Variants in MEF2C observed in about 807,000 individuals in gnomAD.
MEF2C encodes the protein myocyte enhancer factor 2C.
In MEF2C, 6 loss-of-function variants were observed where a neutral mutation model predicts 50.5. That is an observed-to-expected ratio of 0.12 (90% confidence interval 0.07 to 0.23). The LOEUF (loss-of-function observed/expected upper bound fraction) is 0.23, where lower values mean the gene tolerates loss of function less well. Ranked by LOEUF, MEF2C falls within the 10% of genes least tolerant of loss-of-function variation. The pLI is 1.00. For missense variants in MEF2C, 276 were observed against 605.0 expected (o/e 0.46, Z 5.70); for synonymous variants, 183 against 228.0 (o/e 0.80, Z 1.78).
intron 1 of MEF2C, among the ~76,000 whole-genome samples, chr5:88,903,221 A>G (rs1835841839): frequency 6.6e-6 from 1 of 151,904 alleles, no homozygotes; most frequent in Admixed American, 6.6e-5. Context: ...ATGTAAAAAC[A>G]TGCTTTAATA....
rs115922189 is a variant in MEF2C, at chr5:88,852,698, C to T, written c.-142-28768G>A. On this transcript the variant is annotated intron_variant, in intron 1 of 10. Transcript: ENST00000504921. ...CCAGCCTGGCCAACATGGTGAAACC[C>T]CGTTTCACCGTTTTTGTATTTTTAG... Among the ~76,000 whole-genome samples the T allele has an allele frequency of 6.0e-3, 917 of 151,932 alleles. 4 individuals are homozygous for T. The highest frequency in any genetic ancestry group is 0.02 in the African/African-American group (830 of 41,440).
intron 1 of MEF2C, among the ~76,000 whole-genome samples, chr5:88,852,696 C>A (rs1315869073): frequency 6.6e-6 from 1 of 151,906 alleles, no homozygotes; most frequent in Admixed American, 6.6e-5. Flanking sequence ...CATGGTGAAA[C>A]CCCGTTTCAC....
intron 6 of MEF2C, among the ~76,000 whole-genome samples, chr5:88,748,400 T>C (rs1262624603): frequency 6.6e-6 from 1 of 152,244 alleles, no homozygotes; most frequent in Non-Finnish European, 1.5e-5. Context: ...TTTGAAAGTA[T>C]TGTGCTATCT....
intron 1 of MEF2C, chr5:88,843,328 T>C (rs207466212): frequency 1.0e-5 from 10 of 984,708 alleles, no homozygotes; most frequent in Non-Finnish European, 1.2e-5. Flanking sequence ...ATATTGTTTG[T>C]GTGTTATTTA....
intron 5 of MEF2C, 120 bp from the exon 6 acceptor site, chr5:88,749,237 A>G: frequency 8.0e-7 from 1 of 1,251,796 alleles, no homozygotes; most frequent in African/African-American, 1.5e-5. Context: ...TGTAAAGTAC[A>G]ACCCAAGTCA....
chr5:88,785,872 T>C (rs1790604438), intron 3 of MEF2C, among the ~76,000 whole-genome samples: 1 of 152,004 alleles, frequency 6.6e-6, no homozygotes, highest in South Asian at 2.1e-4. Context: ...GGCTAAAATG[T>C]TTATTGGCAC....
chr5:88,821,277 G>GT (rs969524853), intron 2 of MEF2C, among the ~76,000 whole-genome samples: 7 of 151,802 alleles, frequency 4.6e-5, no homozygotes, highest in Admixed American at 1.3e-4. Context: ...TTTGTTTTTT[G>GT]TTTTTTTGAG....
At chr5:88,886,101 T>C (rs1239537089), upstream of MEF2C, among the ~76,000 whole-genome samples, 1 of 152,182 alleles carries the variant, frequency 6.6e-6, no homozygotes, top group Non-Finnish European at 1.5e-5. Flanking sequence ...GATTTTCCCC[T>C]CAGCAGATTT....
intron 2 of MEF2C, among the ~76,000 whole-genome samples, chr5:88,808,050 T>C (rs1387238180): frequency 3.9e-5 from 6 of 152,186 alleles, no homozygotes; most frequent in African/African-American, 1.4e-4. Flanking sequence ...CTTTAGAAAC[T>C]TTTATTCTGT....
At chr5:88,897,082 C>G (rs1835190876) in intron 1 of MEF2C, among the ~76,000 whole-genome samples, 1 of 152,030 alleles carries the variant, frequency 6.6e-6, no homozygotes, top group African/African-American at 2.4e-5. Context: ...AAATAAAATA[C>G]CTTCACTAAA....
chr5:88,723,575 A>T (rs573771000), intron 10 of MEF2C, among the ~76,000 whole-genome samples: 1 of 152,338 alleles, frequency 6.6e-6, no homozygotes, highest in South Asian at 2.1e-4. Flanking sequence ...GAAAGTTTAA[A>T]CGTTGGTTTT....
chr5:88,766,124 C>T (rs1025816501), intron 3 of MEF2C, among the ~76,000 whole-genome samples: 4 of 152,162 alleles, frequency 2.6e-5, no homozygotes, highest in South Asian at 2.1e-4. Context: ...GACATGTGGA[C>T]ATATGGACCC....
chr5:88,868,176 G>A (rs776357281), intron 1 of MEF2C, among the ~76,000 whole-genome samples: 2 of 152,082 alleles, frequency 1.3e-5, no homozygotes, highest in South Asian at 2.1e-4. Flanking sequence ...AAAATTTCAC[G>A]TTTCGGAACT....
chr5:88,729,420 T>G (rs1760424755), intron 8 of MEF2C, 73 bp from the exon 9 acceptor site: 1 of 1,324,452 alleles, frequency 7.6e-7, no homozygotes, highest in Non-Finnish European at 1.1e-6. Flanking sequence ...TCAGTATTAG[T>G]TTTCCACATA....
At position 88,729,551 on chromosome 5, in the gene MEF2C, C is replaced by T. The variant is rs541836340; in HGVS notation, c.835-204G>A. The T allele has an allele frequency of 6.2e-5, 34 of 546,266 alleles. No individual in the cohort carries two copies. The East Asian group carries it at 1.1e-3, about 17-fold the overall frequency. 33.8% of individuals were successfully genotyped at this position (546,266 alleles called of 1,614,324 possible). On this transcript the variant is annotated intron_variant, in intron 8 of 10. Transcript: ENST00000504921. ...CAGCTGTTGCCATAGTAACCCATTA[C>T]ATCAGTATCTCCTAGGCAACTGAAC...
upstream of MEF2C, among the ~76,000 whole-genome samples, chr5:88,884,823 A>G (rs919102288): frequency 6.6e-6 from 1 of 151,048 alleles, no homozygotes; most frequent in Non-Finnish European, 1.5e-5. Flanking sequence ...AAAGGCTTTA[A>G]TATTTAGGCT....
At chr5:88,893,412 G>T (rs1290903084) in intron 1 of MEF2C, among the ~76,000 whole-genome samples, 1 of 151,320 alleles carries the variant, frequency 6.6e-6, no homozygotes, top group Non-Finnish European at 1.5e-5. Flanking sequence ...CCATAGAGAT[G>T]GGGTTTCAAC....
intron 6 of MEF2C, chr5:88,734,046 G>C (rs772904479): frequency 2.0e-6 from 2 of 984,040 alleles, no homozygotes; most frequent in African/African-American, 1.8e-5. Context: ...ACAAACAAAA[G>C]AGAGTATGTT....
At chr5:88,739,247 A>G (rs1765403553) in intron 6 of MEF2C, 4 of 983,024 alleles carry the variant, frequency 4.1e-6, no homozygotes, top group African/African-American at 1.7e-5. Context: ...TTTGAAGCAA[A>G]TTGACACAGG....
Sources: allele counts gnomAD v4.1 joint callset (sites outside exome capture counted in the v4.1 genomes callset), GRCh38; gene constraint gnomAD v4.1.1; transcripts MANE v1.5; gene names NCBI Gene and HGNC (gene_info 2026-07-23, HGNC 2026-07-21).